The following LRP1B variants were observed in gnomAD, a reference collection of about 807,000 sequenced individuals.
LRP1B encodes LDL receptor related protein 1B.
A neutral mutation model predicts 556.6 loss-of-function variants in LRP1B; 217 were observed. The observed-to-expected ratio is 0.39, with a 90% CI of 0.35 to 0.44. LRP1B has a LOEUF of 0.44. Among genes scored for constraint, LRP1B ranks in the 20% least tolerant of loss-of-function variants. The pLI is 1.00. For missense variants in LRP1B, 5,053 were observed against 5,620.8 expected (o/e 0.90, Z 3.23); for synonymous variants, 2,047 against 1,865.8 (o/e 1.10, Z -2.50).
chr2:141,736,904 T>C (rs1693489339), intron 2 of LRP1B, among the ~76,000 whole-genome samples: 1 of 152,140 alleles, frequency 6.6e-6, no homozygotes, highest in African/African-American at 2.4e-5. Flanking sequence ...TGAAGACTTA[T>C]GAGACGCAGA....
chr2:140,675,219 C>T (rs1685629920), intron 41 of LRP1B, among the ~76,000 whole-genome samples: 1 of 152,140 alleles, frequency 6.6e-6, no homozygotes, highest in African/African-American at 2.4e-5. Context: ...ATCATATCTA[C>T]AAATACCTTT....
At chr2:141,184,444 C>T (rs1036885198) in intron 7 of LRP1B, among the ~76,000 whole-genome samples, 15 of 151,840 alleles carry the variant, frequency 9.9e-5, no homozygotes, top group Non-Finnish European at 2.1e-4. Context: ...ACTCTATACC[C>T]GGAGGAAAGG....
chr2:141,080,289 C>T (rs1699892094), intron 7 of LRP1B, among the ~76,000 whole-genome samples: 3 of 152,162 alleles, frequency 2.0e-5, no homozygotes, highest in South Asian at 4.1e-4. Context: ...CTCTGAAATT[C>T]CAAGTTCTGC....
At chr2:141,388,759 T>C (rs976680636) in intron 3 of LRP1B, among the ~76,000 whole-genome samples, 3 of 152,008 alleles carry the variant, frequency 2.0e-5, no homozygotes, top group Admixed American at 6.6e-5. Context: ...TGTAGCAAAA[T>C]CTCAAAGAAT....
At chr2:140,910,534 T>C (rs1694389486) in intron 21 of LRP1B, among the ~76,000 whole-genome samples, 1 of 151,714 alleles carries the variant, frequency 6.6e-6, no homozygotes, top group African/African-American at 2.4e-5. Flanking sequence ...GGACAGTCAA[T>C]AAGCCAGAAA....
intron 24 of LRP1B, among the ~76,000 whole-genome samples, chr2:140,884,297 G>A (rs756652131): frequency 1.3e-5 from 2 of 150,990 alleles, no homozygotes; most frequent in Admixed American, 6.6e-5. Context: ...CAACGTTGAG[G>A]TTGCAAAAAA....
At chr2:140,840,824 A>G (rs983747091) in intron 30 of LRP1B, 94 bp downstream of exon 30, 3 of 921,054 alleles carry the variant, frequency 3.3e-6, no homozygotes, top group African/African-American at 1.7e-5. Flanking sequence ...GCTGTTATAT[A>G]TATATCCTCT....
At chr2:141,883,761 T>C (rs1699027404) in intron 1 of LRP1B, among the ~76,000 whole-genome samples, 1 of 152,052 alleles carries the variant, frequency 6.6e-6, no homozygotes, top group Non-Finnish European at 1.5e-5. Context: ...AGTATGATGA[T>C]GATATGATGA....
chr2:140,485,199 CTG>C (rs200474139), intron 59 of LRP1B, 142 bp downstream of exon 59: 3 of 488,570 alleles, frequency 6.1e-6, no homozygotes, highest in African/African-American at 6.0e-5. Context: ...AATCACATTA[CTG>C]TTTTTTTCTA....
chr2:141,097,339 G>A (rs938059924), intron 7 of LRP1B, among the ~76,000 whole-genome samples: 1 of 152,070 alleles, frequency 6.6e-6, no homozygotes, highest in Non-Finnish European at 1.5e-5. Context: ...AACTTTTGAA[G>A]TTTCTCTAAT....
rs373404657 is a variant in LRP1B, at chr2:141,247,326, T to C, written c.492A>G (p.Thr164=). 6.2e-7 allele frequency: 1 copy of C among 1,613,808 alleles called. No homozygotes were observed. The highest frequency in any genetic ancestry group is 1.7e-5 in the Admixed American group (1 of 60,000). The change falls in exon 5 of 91, where the codon ACA becomes ACG. Residue 164 remains threonine (T), a synonymous_variant. Transcript: ENST00000389484. ...GTGTGTTTCTGCAGGTCTGGCTGCATGTACCATAAACAGCACATTCATCTT... is the reference window on the plus strand; with the variant it reads ...GTGTGTTTCTGCAGGTCTGGCTGCACGTACCATAAACAGCACATTCATCTT... ...KDQDECAVYG[T]CSQTCRNTHG... is the part of the protein sequence containing the mutation.
At chr2:140,571,979 T>C (rs529710181) in intron 43 of LRP1B, among the ~76,000 whole-genome samples, 2 of 151,800 alleles carry the variant, frequency 1.3e-5, no homozygotes, top group African/African-American at 2.4e-5. Context: ...TATCTCATCA[T>C]ATAAAAAAAT....
intron 32 of LRP1B, among the ~76,000 whole-genome samples, chr2:140,805,147 C>A (rs1690666959): frequency 6.6e-6 from 1 of 152,162 alleles, no homozygotes; most frequent in South Asian, 2.1e-4. Context: ...CAAATACACA[C>A]AGGACCCACC....
At chr2:142,072,390 C>G (rs1705349083) in intron 1 of LRP1B, among the ~76,000 whole-genome samples, 1 of 151,898 alleles carries the variant, frequency 6.6e-6, no homozygotes, top group Non-Finnish European at 1.5e-5. Context: ...TTTGAATGAG[C>G]TATGCTCTCT....
At chr2:140,490,733 T>C (rs1023083955) in intron 57 of LRP1B, among the ~76,000 whole-genome samples, 3 of 152,146 alleles carry the variant, frequency 2.0e-5, no homozygotes, top group Admixed American at 2.0e-4. Context: ...AGAAATGACA[T>C]ATTCCCAGCA....
At chr2:141,771,293 C>T (rs1235268547) in intron 2 of LRP1B, among the ~76,000 whole-genome samples, 1 of 152,144 alleles carries the variant, frequency 6.6e-6, no homozygotes, top group Non-Finnish European at 1.5e-5. Flanking sequence ...ATGAACAAGG[C>T]AGGTACCTAA....
At chr2:140,378,675 A>G (rs550125442) in intron 67 of LRP1B, among the ~76,000 whole-genome samples, 19 of 152,242 alleles carry the variant, frequency 1.2e-4, no homozygotes, top group African/African-American at 4.3e-4. Flanking sequence ...GACTCTCTGT[A>G]CCCATTGGAC....
intron 23 of LRP1B, among the ~76,000 whole-genome samples, chr2:140,891,596 A>G (rs1693800855): frequency 6.6e-6 from 1 of 152,156 alleles, no homozygotes; most frequent in Non-Finnish European, 1.5e-5. Context: ...CAACTTATGA[A>G]GTGGTAAATG....
intron 2 of LRP1B, among the ~76,000 whole-genome samples, chr2:141,691,465 A>AACACACAC (rs10522926): frequency 4.5e-5 from 6 of 133,178 alleles, no homozygotes; most frequent in African/African-American, 5.8e-5. Flanking sequence ...GTAATCAGCC[A>AACACACAC]ACACACACAC....
Sources: allele counts gnomAD v4.1 joint callset (sites outside exome capture counted in the v4.1 genomes callset), GRCh38; gene constraint gnomAD v4.1.1; transcripts MANE v1.5; gene names NCBI Gene and HGNC (gene_info 2026-07-23, HGNC 2026-07-21).